The following MOB1B variants were observed in gnomAD, a reference collection of about 807,000 sequenced individuals.
MOB1B encodes the protein MOB1 Mps One Binder homolog B.
A neutral mutation model predicts 24.4 loss-of-function variants in MOB1B; 19 were observed. The ratio of observed to expected loss-of-function variants is 0.78; its 90% CI spans 0.54 to 1.14. The LOEUF is 1.14. MOB1B is among the 50% of genes most tolerant of loss of function. The pLI is 0.00. For synonymous variants in MOB1B, 76 were observed against 82.1 expected (o/e 0.93, Z 0.40); for missense variants, 243 against 259.6 (o/e 0.94, Z 0.44).
intron 1 of MOB1B, chr4:70,958,632 T>C: frequency 1.8e-6 from 1 of 569,426 alleles, no homozygotes; most frequent in South Asian, 1.5e-5. Flanking sequence ...AAGTACTTTT[T>C]TGTTTTTTCA....
chr4:70,971,841 G>A (rs1249611452), intron 3 of MOB1B, among the ~76,000 whole-genome samples: 1 of 152,158 alleles, frequency 6.6e-6, no homozygotes, highest in Non-Finnish European at 1.5e-5. Flanking sequence ...GCATGTGTGC[G>A]TACATAGTGT....
chr4:70,976,471 TTTTGTA>T (rs1739001582), intron 4 of MOB1B: 2 of 985,328 alleles, frequency 2.0e-6, no homozygotes, highest in Non-Finnish European at 1.2e-6. Flanking sequence ...GACTTTGCTT[TTTTGTA>T]TTTACTTTTA....
chr4:70,953,691 C>T (rs991495051), intron 1 of MOB1B, among the ~76,000 whole-genome samples: 1 of 152,202 alleles, frequency 6.6e-6, no homozygotes, highest in African/African-American at 2.4e-5. Context: ...GCCTGTCATT[C>T]CCAGCACTTT....
chr4:70,963,577 T>C (rs570942834), intron 2 of MOB1B, among the ~76,000 whole-genome samples: 211 of 152,238 alleles, frequency 1.4e-3, no homozygotes, highest in African/African-American at 4.0e-3. Flanking sequence ...CTTTGCACTT[T>C]GGGAGGCCAT....
intron 1 of MOB1B, among the ~76,000 whole-genome samples, chr4:70,918,921 A>G (rs929338427): frequency 1.3e-5 from 2 of 152,146 alleles, no homozygotes; most frequent in South Asian, 4.2e-4. Flanking sequence ...CAAATGTCCA[A>G]CGATAGACTG....
chr4:70,938,446 A>T (rs1033590720), intron 1 of MOB1B, among the ~76,000 whole-genome samples: 5 of 149,904 alleles, frequency 3.3e-5, no homozygotes, highest in Non-Finnish European at 1.5e-5. Context: ...ATTCAGATTC[A>T]CTTTATCTCC....
intron 1 of MOB1B, among the ~76,000 whole-genome samples, chr4:70,903,379 C>G (rs911749104): frequency 6.6e-6 from 1 of 151,922 alleles, no homozygotes; most frequent in Admixed American, 6.6e-5. Context: ...TTGTTCCAGA[C>G]GAGTGGAGGG....
intron 1 of MOB1B, among the ~76,000 whole-genome samples, chr4:70,915,984 A>G (rs1018542442): frequency 5.3e-5 from 8 of 152,110 alleles, no homozygotes; most frequent in Non-Finnish European, 1.0e-4. Flanking sequence ...GTGGGTACCT[A>G]TGCTGTCAGG....
At chr4:70,948,290 C>T (rs192317640) in intron 1 of MOB1B, among the ~76,000 whole-genome samples, 170 of 152,238 alleles carry the variant, frequency 1.1e-3, no homozygotes, top group Non-Finnish European at 1.8e-3. Context: ...TTATATTTTT[C>T]TTTGTGCCTT....
intron 1 of MOB1B, among the ~76,000 whole-genome samples, chr4:70,956,178 A>G (rs1467420410): frequency 6.6e-6 from 1 of 152,146 alleles, no homozygotes; most frequent in African/African-American, 2.4e-5. Context: ...TTGGATTTAC[A>G]CTTTTGCACT....
chr4:70,920,155 A>G (rs1354015480), intron 1 of MOB1B, among the ~76,000 whole-genome samples: 1 of 152,222 alleles, frequency 6.6e-6, no homozygotes, highest in Non-Finnish European at 1.5e-5. Context: ...CACATGAACT[A>G]GATAAAAGAC....
intron 1 of MOB1B, among the ~76,000 whole-genome samples, chr4:70,935,631 T>C (rs1337912103): frequency 6.6e-6 from 1 of 152,088 alleles, no homozygotes; most frequent in Admixed American, 6.6e-5. Flanking sequence ...TCTCTCACTT[T>C]AGTCTTTGCT....
intron 2 of MOB1B, among the ~76,000 whole-genome samples, chr4:70,966,610 G>A (rs1263337584): frequency 6.6e-6 from 1 of 151,974 alleles, no homozygotes; most frequent in Non-Finnish European, 1.5e-5. Context: ...CTGACCTCAG[G>A]TGATCCACCT....
chr4:70,906,760 T>C (rs1042319039), intron 1 of MOB1B, among the ~76,000 whole-genome samples: 1 of 152,188 alleles, frequency 6.6e-6, no homozygotes, highest in Non-Finnish European at 1.5e-5. Flanking sequence ...CAGATTAAGC[T>C]AAACTCTCAT....
intron 1 of MOB1B, among the ~76,000 whole-genome samples, chr4:70,930,644 G>T (rs939096625): frequency 6.6e-6 from 1 of 152,124 alleles, no homozygotes; most frequent in Non-Finnish European, 1.5e-5. Context: ...GTGCATGATT[G>T]TATGTGTGAA....
At chr4:70,936,348 G>A (rs1737084400) in intron 1 of MOB1B, among the ~76,000 whole-genome samples, 1 of 152,116 alleles carries the variant, frequency 6.6e-6, no homozygotes, top group African/African-American at 2.4e-5. Flanking sequence ...GCATTTAAGT[G>A]TAATATTGTG....
chr4:70,933,277 C>G (rs1183000919), intron 1 of MOB1B, among the ~76,000 whole-genome samples: 1 of 152,090 alleles, frequency 6.6e-6, no homozygotes, highest in Non-Finnish European at 1.5e-5. Flanking sequence ...CCACCACGCC[C>G]CTCCTCCAAC....
chr4:70,973,208 A>G (rs1016987673), intron 3 of MOB1B, among the ~76,000 whole-genome samples: 1 of 152,204 alleles, frequency 6.6e-6, no homozygotes, highest in African/African-American at 2.4e-5. Context: ...AATGTGACAC[A>G]TCTGAAAATG....
chr4:70,934,653 A>G (rs1183825024), intron 1 of MOB1B, among the ~76,000 whole-genome samples: 1 of 151,940 alleles, frequency 6.6e-6, no homozygotes, highest in East Asian at 1.9e-4. Context: ...ACAGGGTTTC[A>G]CCATGTTGGC....
Sources: gnomAD v4.1 joint callset for allele counts (sites outside exome capture counted in the v4.1 genomes callset) on GRCh38, gnomAD v4.1.1 for gene constraint, MANE v1.5 for transcripts, NCBI Gene and HGNC (gene_info 2026-07-23, HGNC 2026-07-21) for gene names.